Variants in CEMIP observed in about 807,000 individuals in gnomAD.
CEMIP encodes the protein cell migration inducing hyaluronidase 1, also known as cell migration-inducing and hyaluronan-binding protein.
CEMIP carries 105 observed loss-of-function variants against 156.9 expected under a neutral mutation model. The ratio of observed to expected loss-of-function variants is 0.67; its 90% confidence interval spans 0.57 to 0.79. The LOEUF is 0.79. CEMIP is among the 30% of genes least tolerant of loss of function. CEMIP has a pLI of 0.00. For missense variants in CEMIP, 1,457 were observed against 1,769.4 expected, an observed-to-expected ratio of 0.82 and a Z score of 3.17; for synonymous variants, 676 against 668.4, an observed-to-expected ratio of 1.01 and a Z score of -0.17.
At chr15:80,856,068 A>G (rs1291945946) in intron 1 of CEMIP, among the ~76,000 whole-genome samples, 1 of 152,216 alleles carries the variant, frequency 6.6e-6, no homozygotes, top group African/African-American at 2.4e-5. Context: ...GGCAAAGTGA[A>G]TCTATGGAAT....
At chr15:80,841,039 C>T (rs1051086331) in intron 1 of CEMIP, among the ~76,000 whole-genome samples, 3 of 152,270 alleles carry the variant, frequency 2.0e-5, no homozygotes, top group Non-Finnish European at 2.9e-5. Flanking sequence ...ACAGCTTGAG[C>T]GTCCCCTCCC....
chr15:80,936,906 G>A (rs372912131), intron 24 of CEMIP, 21 bp downstream of exon 24: 1 of 1,609,466 alleles, frequency 6.2e-7, no homozygotes, highest in East Asian at 2.2e-5. Context: ...GTCCAGCCAG[G>A]AGCAGTGAGC....
chr15:80,854,828 A>G (rs765135392), intron 1 of CEMIP, among the ~76,000 whole-genome samples: 9 of 152,194 alleles, frequency 5.9e-5, no homozygotes, highest in Non-Finnish European at 8.8e-5. Context: ...GTAAAATATA[A>G]TGAAGCCATA....
At chr15:80,929,211 G>T in intron 21 of CEMIP, 37 bp downstream of exon 21, 1 of 1,613,732 alleles carries the variant, frequency 6.2e-7, no homozygotes, top group Non-Finnish European at 8.5e-7. Context: ...ATTCTGAGTG[G>T]CTTAACCTAA....
intron 28 of CEMIP, 69 bp downstream of exon 28, chr15:80,943,171 C>A: frequency 6.5e-7 from 1 of 1,537,742 alleles, no homozygotes; most frequent in Non-Finnish European, 9.0e-7. Context: ...GGCCCCCTCC[C>A]TCTCACAAAG....
chr15:80,835,264 A>G (rs2141688935), intron 1 of CEMIP, among the ~76,000 whole-genome samples: 1 of 152,250 alleles, frequency 6.6e-6, no homozygotes, highest in East Asian at 1.9e-4. Flanking sequence ...CCAATTCACC[A>G]TGCTTTTGCT....
intron 3 of CEMIP, among the ~76,000 whole-genome samples, 157 bp downstream of exon 3, chr15:80,874,130 C>T (rs1294054508): frequency 6.6e-6 from 1 of 152,232 alleles, no homozygotes; most frequent in African/African-American, 2.4e-5. Flanking sequence ...CCTTGGTCCC[C>T]GGCACGTTTC....
chr15:80,831,907 G>A (rs1363780971), intron 1 of CEMIP, among the ~76,000 whole-genome samples: 1 of 152,226 alleles, frequency 6.6e-6, no homozygotes, highest in African/African-American at 2.4e-5. Context: ...ACGTTGATCT[G>A]TGTACAAATG....
At chr15:80,826,740 C>T (rs1478090431) in intron 1 of CEMIP, among the ~76,000 whole-genome samples, 1 of 152,194 alleles carries the variant, frequency 6.6e-6, no homozygotes, top group Non-Finnish European at 1.5e-5. Flanking sequence ...TGCATTTGGC[C>T]TTCCAGGGAT....
At chr15:80,897,431 T>C (rs79363187) in intron 12 of CEMIP, 2 of 443,348 alleles carry the variant, frequency 4.5e-6, no homozygotes, top group Non-Finnish European at 9.1e-6. Flanking sequence ...CTAGAGGTCA[T>C]GTGGTGGAGG....
At chr15:80,886,647 T>C (rs1193463780) in intron 7 of CEMIP, among the ~76,000 whole-genome samples, 1 of 152,148 alleles carries the variant, frequency 6.6e-6, no homozygotes, top group Non-Finnish European at 1.5e-5. Context: ...CACAAATGTA[T>C]TTCAGATAGT....
chr15:80,872,216 C>T (rs1898319604), intron 1 of CEMIP, among the ~76,000 whole-genome samples: 1 of 152,216 alleles, frequency 6.6e-6, no homozygotes, highest in Admixed American at 6.5e-5. Flanking sequence ...GATTTTGGCC[C>T]TTTTCTCAGT....
At chr15:80,797,430 G>A (rs1461197657) in intron 1 of CEMIP, among the ~76,000 whole-genome samples, 2 of 152,176 alleles carry the variant, frequency 1.3e-5, no homozygotes, top group East Asian at 3.9e-4. Flanking sequence ...GCTGCTCCTG[G>A]GGTGCTCATG....
chr15:80,910,355 T>G (rs1408983719), intron 14 of CEMIP, among the ~76,000 whole-genome samples: 16 of 152,186 alleles, frequency 1.1e-4, no homozygotes, highest in Admixed American at 1.0e-3. Flanking sequence ...GCTGTTACAA[T>G]TACTGTAAAA....
At position 80,929,017 on chromosome 15, in the gene CEMIP, AG is replaced by A; in HGVS notation, c.2457-1del. 6.2e-7 allele frequency: 1 copy of A among 1,614,168 alleles called. No homozygotes were observed. Among genetic ancestry groups the A allele is most frequent in the South Asian group, 1.1e-5 (1 of 91,082 alleles). On this transcript the variant is annotated splice_acceptor_variant, in intron 20 of 29. Transcript: ENST00000394685. LOFTEE classifies it high-confidence loss of function. ...CTCACCTTAAACATCTTCTCTCTAC[AG>A]TGGTGGAACCTTCCCGTATGACGAC...
chr15:80,808,646 G>GA lies in CEMIP; in HGVS notation c.-176+29039dup, dbSNP rs369854154. 4.0e-3 allele frequency among the ~76,000 whole-genome samples: 606 copies of GA among 151,934 alleles called. 3 individuals carry two copies. The highest frequency in any genetic ancestry group is 0.014 in the African/African-American group (577 of 41,452). On this transcript the variant is annotated intron_variant, in intron 1 of 29. Transcript: ENST00000394685. ...AATAACTATAGCATGGAAAGGTAGA[G>GA]AAAAAAACAACAGAAAAAATTGCTA...
chr15:80,878,144 T>G (rs1898533062), intron 3 of CEMIP, among the ~76,000 whole-genome samples: 1 of 152,202 alleles, frequency 6.6e-6, no homozygotes, highest in Admixed American at 6.5e-5. Flanking sequence ...GTGTGACATC[T>G]CCACCACGTA....
intron 29 of CEMIP, 105 bp downstream of exon 29, chr15:80,947,170 A>C (rs1901593523): frequency 4.0e-6 from 3 of 741,436 alleles, no homozygotes; most frequent in Non-Finnish European, 7.2e-6. Flanking sequence ...CATGCTTTGT[A>C]CTAAACGTGG....
intron 1 of CEMIP, among the ~76,000 whole-genome samples, chr15:80,838,869 G>A (rs918090914): frequency 3.9e-5 from 6 of 152,334 alleles, no homozygotes; most frequent in Non-Finnish European, 8.8e-5. Flanking sequence ...GGCAGACTGA[G>A]TATTTGACCC....
Sources: gnomAD v4.1 joint callset for allele counts (sites outside exome capture counted in the v4.1 genomes callset) on GRCh38, gnomAD v4.1.1 for gene constraint, MANE v1.5 for transcripts, NCBI Gene and HGNC (gene_info 2026-07-23, HGNC 2026-07-21) for gene names.